Variants in OLFM4 observed in about 807,000 individuals in gnomAD.
OLFM4 encodes olfactomedin 4.
Under a neutral mutation model 25.5 loss-of-function variants are expected in OLFM4, and 22 were observed. The ratio of observed to expected loss-of-function variants is 0.86; its 90% CI spans 0.62 to 1.23. The LOEUF is 1.23. Among genes scored for constraint, OLFM4 ranks in the 50% most tolerant of loss-of-function variants. The pLI is 0.00. For synonymous variants in OLFM4, 255 were observed against 237.7 expected (o/e 1.07, Z -0.67); for missense variants, 594 against 619.4 (o/e 0.96, Z 0.44).
chr13:53,038,482 T>C (rs191580612), intron 2 of OLFM4, among the ~76,000 whole-genome samples: 109 of 152,308 alleles, frequency 7.2e-4, no homozygotes, highest in Non-Finnish European at 9.3e-4. Flanking sequence ...CCTGTGACTG[T>C]ACTGAATAAT....
rs563544001 is a variant in OLFM4 at position 53,048,804 on chromosome 13, G to A, written c.731-1165G>A. On this transcript the variant is annotated intron_variant, in intron 4 of 4. Coordinates refer to ENST00000219022, the MANE Select transcript of OLFM4 (RefSeq NM_006418.5). Reference sequence around the variant, plus strand: ...CCTGCTCTGCTCTGAGCAGCAGGACGAGGGAAAATGACCTCAAATATACTT... The same window carrying A: ...CCTGCTCTGCTCTGAGCAGCAGGACAAGGGAAAATGACCTCAAATATACTT... Among the ~76,000 whole-genome samples the A allele has an allele frequency of 2.0e-3, 304 of 152,238 alleles. 2 individuals carry two copies. The highest frequency in any genetic ancestry group is 7.1e-3 in the African/African-American group (293 of 41,528).
chr13:53,042,242 T>C, intron 3 of OLFM4, 120 bp downstream of exon 3: 3 of 801,844 alleles, frequency 3.7e-6, no homozygotes, highest in East Asian at 2.7e-5. Context: ...TACTGTCTCA[T>C]GGCCACATGG....
At position 53,041,941 on chromosome 13, in the gene OLFM4, A is replaced by G. The variant is rs761324522; in HGVS notation, c.389A>G (p.Tyr130Cys). 2.5e-6 allele frequency: 4 copies of G among 1,613,876 alleles called. No homozygotes were observed. Among genetic ancestry groups the G allele is most frequent in the Non-Finnish European group, 2.5e-6 (3 of 1,179,796 alleles). The part of the protein sequence containing the change: ...VREYVQLISV[Y>C]EKKLLNLTVR... Reference sequence around the variant, plus strand: ...GAATATGTCCAATTAATTAGTGTGTATGAAAAGAAACTGTTAAACCTAACT... The same window carrying G: ...GAATATGTCCAATTAATTAGTGTGTGTGAAAAGAAACTGTTAAACCTAACT... The change falls in exon 3 of 5, where the codon TAT (tyrosine) becomes TGT (cysteine). Residue 130 changes from tyrosine to cysteine, a missense_variant. Coordinates refer to ENST00000219022, the MANE Select transcript of OLFM4 (RefSeq NM_006418.5).
At chr13:53,039,611 A>G (rs1009692864) in intron 2 of OLFM4, among the ~76,000 whole-genome samples, 2 of 152,192 alleles carry the variant, frequency 1.3e-5, no homozygotes, top group Non-Finnish European at 2.9e-5. Context: ...GGATGTGTGT[A>G]GATTGTAGGC....
chr13:53,038,731 C>T (rs1345754150), intron 2 of OLFM4, among the ~76,000 whole-genome samples: 1 of 152,230 alleles, frequency 6.6e-6, no homozygotes, highest in African/African-American at 2.4e-5. Flanking sequence ...TGGGCTGCCT[C>T]TCCCAAGACT....
At chr13:53,034,056 CAAAAAAAA>C (rs397851637) in intron 1 of OLFM4, among the ~76,000 whole-genome samples, 1 of 41,068 alleles carries the variant, frequency 2.4e-5, no homozygotes, top group Admixed American at 2.5e-4. Flanking sequence ...GACTCCGTCT[CAAAAAAAA>C]AAAAAAAAAA....
chr13:53,049,935 C>G, intron 4 of OLFM4, 34 bp from the exon 5 acceptor site: 1 of 1,543,726 alleles, frequency 6.5e-7, no homozygotes, highest in South Asian at 1.2e-5. Flanking sequence ...TTCCTTTTCT[C>G]TAAAAATGCC....
chr13:53,045,237 T>C lies in OLFM4; in HGVS notation c.730+1973T>C, dbSNP rs372094326. ...GGTTGTTTTTGTTGGATTTTTTTTT[T>C]CCCAGAACTTTCCCCTAGGCCCTCA... is the stretch of plus-strand genomic sequence containing the variant. On this transcript the variant is annotated intron_variant, in intron 4 of 4. Transcript: ENST00000219022. Among the ~76,000 whole-genome samples the C allele has an allele frequency of 5.3e-5, 8 of 151,786 alleles. No homozygotes were observed. The South Asian group carries it at 8.3e-4, about 16-fold the overall frequency.
intron 1 of OLFM4, among the ~76,000 whole-genome samples, chr13:53,032,115 T>C (rs979503283): frequency 3.3e-5 from 5 of 152,216 alleles, no homozygotes; most frequent in African/African-American, 1.2e-4. Flanking sequence ...AGATGTTCAA[T>C]AGAAACCGAT....
intron 1 of OLFM4, among the ~76,000 whole-genome samples, chr13:53,032,327 T>TA (rs1258604530): frequency 6.6e-6 from 1 of 150,558 alleles, no homozygotes; most frequent in African/African-American, 2.4e-5. Context: ...CTCCCCTTGT[T>TA]AAAATGCAAT....
rs1262861759 is a variant in OLFM4 at position 53,050,410 on chromosome 13, G to T, written c.1172G>T (p.Gly391Val). The change falls in exon 5 of 5, where the codon GGA becomes GTA. Residue 391 changes from glycine to valine, a missense_variant. Gly to Val is a moderately radical substitution (Grantham distance 109). Coordinates refer to ENST00000219022, the MANE Select transcript of OLFM4 (RefSeq NM_006418.5). The stretch of plus-strand genomic sequence containing the variant: ...ATTGACTTTGCTGTGGATGAGAATG[G>T]ATTGTGGGTTATTTATTCAACTGAA... The part of the protein sequence containing the change: ...QDIDFAVDEN[G>V]LWVIYSTEAS... 1 of 1,614,044 alleles carries T rather than the reference G, an allele frequency of 6.2e-7. No homozygotes were observed. Among genetic ancestry groups the T allele is most frequent in the East Asian group, 2.2e-5 (1 of 44,858 alleles).
intron 4 of OLFM4, among the ~76,000 whole-genome samples, chr13:53,046,642 G>A (rs760053168): frequency 2.6e-4 from 40 of 152,300 alleles, no homozygotes; most frequent in Non-Finnish European, 5.1e-4. Context: ...TTACCAGCAT[G>A]AGTAAAGAAA....
rs187675539 is a variant in OLFM4 at position 53,039,814 on chromosome 13, G to A, written c.358-2096G>A. 1.8e-3 allele frequency among the ~76,000 whole-genome samples: 278 copies of A among 152,264 alleles called. 3 individuals carry two copies. Among genetic ancestry groups the A allele is most frequent in the Non-Finnish European group, 2.4e-3 (164 of 68,030 alleles). The stretch of plus-strand genomic sequence containing the variant: ...CATCCAATGGCAGTGAGCATCAGTT[G>A]CCCGAGGAGATACACTAGCAGTGCC... On this transcript the variant is annotated intron_variant, in intron 2 of 4. Coordinates refer to ENST00000219022, the MANE Select transcript of OLFM4 (RefSeq NM_006418.5).
chr13:53,043,204 A>T lies in OLFM4; in HGVS notation c.670A>T (p.Lys224Ter), dbSNP rs776036616. 53 of 1,613,414 alleles carry T rather than the reference A, an allele frequency of 3.3e-5. No individual in the cohort carries two copies. The Admixed American group carries it at 6.0e-4, about 18-fold the overall frequency. ...AATCGTGGCTCTGAAGACCAAGCTGAAAGAGTGTGAGGCCTCTAAAGATCA... is the reference window on the plus strand; with the variant it reads ...AATCGTGGCTCTGAAGACCAAGCTGTAAGAGTGTGAGGCCTCTAAAGATCA... ...REIVALKTKL[K>*]ECEASKDQNT... The change falls in exon 4 of 5, where the codon AAA (lysine) becomes TAA (stop). Residue 224 changes from lysine to a stop codon, truncating the protein, a stop_gained. Transcript: ENST00000219022. LOFTEE classifies it high-confidence loss of function.
At chr13:53,035,678 A>G (rs1593478443) in intron 2 of OLFM4, among the ~76,000 whole-genome samples, 2 of 152,194 alleles carry the variant, frequency 1.3e-5, no homozygotes, top group East Asian at 3.8e-4. Flanking sequence ...GATGTGTCCA[A>G]TATTAGACAA....
rs144957026 is a variant in OLFM4 at position 53,030,106 on chromosome 13, G to C, written c.204+1066G>C. Among the ~76,000 whole-genome samples the C allele has an allele frequency of 4.0e-3, 608 of 152,186 alleles. 2 individuals are homozygous for C. Among genetic ancestry groups the C allele is most frequent in the African/African-American group, 0.014 (570 of 41,504 alleles). ...TACATTATCATGCTTGAATGGAAGG[G>C]CAAATGGGAGAAGGGGGAGGAAAAG... On this transcript the variant is annotated intron_variant, in intron 1 of 4. Coordinates refer to ENST00000219022, the MANE Select transcript of OLFM4 (RefSeq NM_006418.5).
At chr13:53,039,001 A>G (rs1349299730) in intron 2 of OLFM4, among the ~76,000 whole-genome samples, 1 of 152,226 alleles carries the variant, frequency 6.6e-6, no homozygotes, top group Admixed American at 6.5e-5. Context: ...GGATCTTTAC[A>G]GACCCTTCAT....
At chr13:53,034,738 G>T (rs1954648860) in intron 2 of OLFM4, among the ~76,000 whole-genome samples, 1 of 152,286 alleles carries the variant, frequency 6.6e-6, no homozygotes, top group South Asian at 2.1e-4. Flanking sequence ...ACTCACTATA[G>T]TATTGTGGTA....
intron 1 of OLFM4, among the ~76,000 whole-genome samples, chr13:53,031,230 A>G (rs897262019): frequency 3.9e-5 from 6 of 152,136 alleles, no homozygotes; most frequent in Non-Finnish European, 7.3e-5. Context: ...CTAGGAGTCA[A>G]TTTCACTATC....
Sources: gnomAD v4.1 joint callset for allele counts (sites outside exome capture counted in the v4.1 genomes callset) on GRCh38, gnomAD v4.1.1 for gene constraint, MANE v1.5 for transcripts, NCBI Gene and HGNC (gene_info 2026-07-23, HGNC 2026-07-21) for gene names.